Variants in BPIFB2 observed in about 807,000 individuals in gnomAD.
BPIFB2 encodes the protein BPI fold containing family B member 2, also known as BPI fold-containing family B member 2.
A neutral mutation model predicts 50.1 loss-of-function variants in BPIFB2; 39 were observed. The ratio of observed to expected loss-of-function variants is 0.78; its 90% CI spans 0.60 to 1.02. BPIFB2 has a LOEUF of 1.02. Ranked by LOEUF, BPIFB2 falls within the 50% of genes least tolerant of loss-of-function variation. BPIFB2 has a pLI of 0.00. For missense variants in BPIFB2, 574 were observed against 585.8 expected (o/e 0.98, Z 0.21); for synonymous variants, 280 against 256.3 (o/e 1.09, Z -0.88).
In BPIFB2 at chr20:33,018,317, T is replaced by A. The variant is rs1978509141; in HGVS notation, c.636T>A (p.Thr212=). ...QIRYSMVSVP[T]VTSDYISLEV... ...GCTATTCCATGGTCAGTGTGCCCAC[T>A]GTCACCAGTGACTACATTTCCCTGG... is the stretch of plus-strand genomic sequence containing the variant. Residue 212 remains threonine (T), a synonymous_variant, in exon 8 of 16, where the codon ACT becomes ACA. Transcript: ENST00000170150. 3 of 1,613,996 alleles carry A rather than the reference T, an allele frequency of 1.9e-6. No individual in the cohort carries two copies. The highest frequency in any genetic ancestry group is 1.3e-5 in the African/African-American group (1 of 74,942).
At chr20:33,020,854 T>G (rs1978637633) in intron 13 of BPIFB2, among the ~76,000 whole-genome samples, 1 of 152,174 alleles carries the variant, frequency 6.6e-6, no homozygotes, top group African/African-American at 2.4e-5. Flanking sequence ...TTCAGCCAGG[T>G]GATGTGATTG....
chr20:33,009,595 C>T lies in BPIFB2; in HGVS notation c.109+912C>T, dbSNP rs78258731. Among the ~76,000 whole-genome samples the T allele has an allele frequency of 0.01, 1,528 of 152,274 alleles. 26 individuals carry two copies. Among genetic ancestry groups the T allele is most frequent in the African/African-American group, 0.035 (1,448 of 41,550 alleles). ...CCACCCCTGGGTAAACACAGCCTTC[C>T]GGGACCTCATATCCGGGCTGATGGG... On this transcript the variant is annotated intron_variant, in intron 2 of 15. Transcript: ENST00000170150. This position sits in a 1 kb window ranked among gnomAD's most constrained non-coding sequence, Gnocchi z 4.2.
intron 3 of BPIFB2, among the ~76,000 whole-genome samples, chr20:33,011,985 A>C (rs1000540211): frequency 3.9e-5 from 6 of 152,186 alleles, no homozygotes; most frequent in Non-Finnish European, 4.4e-5. Context: ...GTCTCAAAAC[A>C]AAAAAACAAA....
chr20:33,012,233 G>A (rs1052135981), intron 3 of BPIFB2, among the ~76,000 whole-genome samples: 11 of 152,196 alleles, frequency 7.2e-5, no homozygotes, highest in African/African-American at 2.7e-4. Context: ...GGGGCTGTTT[G>A]AAAACAGTGC....
chr20:33,009,912 C>T lies in BPIFB2; in HGVS notation c.110-1112C>T, dbSNP rs1424290893. On this transcript the variant is annotated intron_variant, in intron 2 of 15. Transcript: ENST00000170150. The surrounding 1 kb of genome is among the most constrained non-coding windows in gnomAD (Gnocchi z 4.2). ...TCCTGCAAGCCCCAGAGTTCAAACC[C>T]TGCGTCAAGGGAGCACTGTAGATGG... 1.3e-5 allele frequency among the ~76,000 whole-genome samples: 2 copies of T among 152,236 alleles called. No homozygotes were observed. Among genetic ancestry groups the T allele is most frequent in the Non-Finnish European group, 2.9e-5 (2 of 68,034 alleles).
At chr20:33,015,599 TAAAA>T (rs35897534) in intron 6 of BPIFB2, 103 bp downstream of exon 6, 890 of 764,580 alleles carry the variant, frequency 1.2e-3, no homozygotes, top group South Asian at 1.7e-3. Flanking sequence ...TGCTTGGGAT[TAAAA>T]AAAAAAAAAA....
chr20:33,015,439 C>T lies in BPIFB2; in HGVS notation c.459C>T (p.Thr153=). The change falls in exon 6 of 16, where the codon ACC becomes ACT. Residue 153 remains threonine, a synonymous_variant. Transcript: ENST00000170150. ...TCTTTCTGTGTTTCTCCCTCAGCAC[C>T]TCCCACGCGCTGCTGGTCCTGGTGC... The part of the protein sequence containing the change: ...HANEFDGSNS[T]SHALLVLVQK... 1 of 1,613,144 alleles carries T rather than the reference C, an allele frequency of 6.2e-7. No homozygotes were observed. The highest frequency in any genetic ancestry group is 1.1e-5 in the South Asian group (1 of 90,962).
chr20:33,023,424 G>C lies in BPIFB2; in HGVS notation c.*41G>C. The C allele has an allele frequency of 1.2e-6, 2 of 1,601,008 alleles. No individual in the cohort carries two copies. The highest frequency in any genetic ancestry group is 1.7e-5 in the Admixed American group (1 of 60,002). ...AGGCCTGAGAGTGGGCCAGCTCGCT[G>C]CTCAGGCGAATTTCTCATTTCAAGC... On this transcript the variant is annotated 3_prime_UTR_variant, in exon 16 of 16. Coordinates refer to ENST00000170150, the MANE Select transcript of BPIFB2 (RefSeq NM_025227.3).
At chr20:33,021,252 G>A (rs982886705) in intron 13 of BPIFB2, 29 bp from the exon 14 acceptor site, 13 of 1,613,012 alleles carry the variant, frequency 8.1e-6, no homozygotes, top group African/African-American at 2.7e-5. Context: ...GGCTGGGACG[G>A]GCCCATCTCC....
chr20:33,018,437 A>T, intron 8 of BPIFB2, 87 bp downstream of exon 8: 1 of 1,368,888 alleles, frequency 7.3e-7, no homozygotes, highest in Non-Finnish European at 1.0e-6. Flanking sequence ...GGAGCGGGGG[A>T]GTGGGAAAGG....
At chr20:33,019,535 C>G in intron 10 of BPIFB2, 45 bp from the exon 11 acceptor site, 2 of 1,530,574 alleles carry the variant, frequency 1.3e-6, no homozygotes. Context: ...AGAGAGCCCG[C>G]CAGCCGCTGC....
At chr20:33,011,795 A>G (rs1275801949) in intron 3 of BPIFB2, among the ~76,000 whole-genome samples, 3 of 152,190 alleles carry the variant, frequency 2.0e-5, no homozygotes, top group East Asian at 3.9e-4. Flanking sequence ...CCTGGCTAAC[A>G]TGGTGAAACC....
At chr20:33,020,623 C>G in intron 13 of BPIFB2, 36 bp downstream of exon 13, 1 of 1,571,774 alleles carries the variant, frequency 6.4e-7, no homozygotes, top group Non-Finnish European at 8.6e-7. Flanking sequence ...AAACCCCCGT[C>G]CTGGGTAGGG....
chr20:33,015,769 G>A (rs1034184579), intron 6 of BPIFB2, among the ~76,000 whole-genome samples: 25 of 152,154 alleles, frequency 1.6e-4, no homozygotes, highest in African/African-American at 6.0e-4. Flanking sequence ...CTAGAGGGTG[G>A]ATGGAGTGGG....
chr20:33,019,411 T>A (rs1193549383), intron 10 of BPIFB2, among the ~76,000 whole-genome samples, 169 bp from the exon 11 acceptor site: 1 of 152,052 alleles, frequency 6.6e-6, no homozygotes, highest in Non-Finnish European at 1.5e-5. Flanking sequence ...AACCCCCTCG[T>A]CTTGTCCAGC....
In BPIFB2 at chr20:33,023,655, G is replaced by T; in HGVS notation, c.*272G>T. ...AGCGGGGAGCAGACTGCTCCTCCAG[G>T]CTGTATAGACCTGCCCTCTTGCATT... On this transcript the variant is annotated 3_prime_UTR_variant, in exon 16 of 16. Coordinates refer to ENST00000170150, the MANE Select transcript of BPIFB2 (RefSeq NM_025227.3). 1.8e-6 allele frequency: 1 copy of T among 568,248 alleles called. No individual in the cohort carries two copies. Among genetic ancestry groups the T allele is most frequent in the Non-Finnish European group, 3.2e-6 (1 of 315,822 alleles). The allele number at this position is 568,248 out of a possible 1,614,324, so 35.2% of individuals were successfully genotyped here. A position where few individuals can be genotyped will look rare whatever the true frequency, so the allele number is the denominator to read the frequency against.
At chr20:33,015,098 C>G (rs547559083) in intron 5 of BPIFB2, among the ~76,000 whole-genome samples, 22 of 152,324 alleles carry the variant, frequency 1.4e-4, no homozygotes, top group Middle Eastern at 3.4e-3. Context: ...AGCTCTACCC[C>G]CTAACCCAAC....
chr20:33,020,936 A>G (rs577043873), intron 13 of BPIFB2, among the ~76,000 whole-genome samples: 1 of 152,180 alleles, frequency 6.6e-6, no homozygotes, highest in Non-Finnish European at 1.5e-5. Context: ...CCCAGCCGTC[A>G]GTCTGTCTGT....
chr20:33,021,658 T>C (rs1432586321), intron 14 of BPIFB2, 65 bp from the exon 15 acceptor site: 15 of 1,490,224 alleles, frequency 1.0e-5, no homozygotes, highest in African/African-American at 1.4e-5. Flanking sequence ...AGTGCTGTGA[T>C]GCACATGAGG....
Sources: gnomAD v4.1 joint callset for allele counts (sites outside exome capture counted in the v4.1 genomes callset) on GRCh38, gnomAD v4.1.1 for gene constraint, Gnocchi (gnomAD v3.1) non-coding constraint, MANE v1.5 for transcripts, NCBI Gene and HGNC (gene_info 2026-07-23, HGNC 2026-07-21) for gene names.